ACACA: variants seen among roughly 807,000 people sequenced by gnomAD.
ACACA encodes the protein acetyl-CoA carboxylase alpha, also known as acetyl-CoA carboxylase 1.
A neutral mutation model predicts 296.1 loss-of-function variants in ACACA; 103 were observed. The ratio of observed to expected loss-of-function variants is 0.35; its 90% CI spans 0.30 to 0.41. The LOEUF (loss-of-function observed/expected upper bound fraction) is 0.41, where lower values mean the gene tolerates loss of function less well. ACACA is among the 10% of genes least tolerant of loss of function. The pLI is 1.00. For synonymous variants in ACACA, 953 were observed against 1,038.6 expected, an observed-to-expected ratio of 0.92 and a Z score of 1.58; for missense variants, 1,554 against 2,989.7, an observed-to-expected ratio of 0.52 and a Z score of 11.20.
Position 37,270,811 on chromosome 17 carries a change from T to C in ACACA, c.1059A>G (p.Gly353=), listed in dbSNP as rs1402895334. The change falls in exon 10 of 56, where the codon GGA becomes GGG. Residue 353 remains glycine, a synonymous_variant. Transcript: ENST00000616317. ...TGACTTTTCTAATTCCCTTCCCTCC[T>C]CCTCCCTCTGAGGCCTTGATCATTA... ...YPVMIKASEG[G]GGKGIRKVNN... is the part of the protein sequence containing the mutation. 1 of 1,613,428 alleles carries C rather than the reference T, an allele frequency of 6.2e-7. No homozygotes were observed. The highest frequency in any genetic ancestry group is 8.5e-7 in the Non-Finnish European group (1 of 1,179,844).
chr17:37,192,331 C>G, intron 36 of ACACA, 26 bp from the exon 37 acceptor site: 1 of 1,605,924 alleles, frequency 6.2e-7, no homozygotes, highest in Non-Finnish European at 8.5e-7. Context: ...AGAGAAAAAA[C>G]AGCTCACAAG....
chr17:37,136,502 A>G (rs1043164092), intron 45 of ACACA, among the ~76,000 whole-genome samples: 8 of 152,292 alleles, frequency 5.3e-5, no homozygotes, highest in African/African-American at 1.9e-4. Context: ...TATAAATAAC[A>G]CTGCTATAGA....
intron 45 of ACACA, among the ~76,000 whole-genome samples, chr17:37,134,997 A>G (rs909326449): frequency 5.3e-5 from 8 of 152,310 alleles, no homozygotes; most frequent in African/African-American, 1.9e-4. Context: ...AGAAGGAAGG[A>G]TGAGAGAGAG....
At chr17:37,277,378 A>G (rs1213776115) in intron 6 of ACACA, among the ~76,000 whole-genome samples, 1 of 152,278 alleles carries the variant, frequency 6.6e-6, no homozygotes, top group Admixed American at 6.5e-5. Flanking sequence ...CTCTTTAGGA[A>G]ACTCAATTCA....
At position 37,085,477 on chromosome 17, in the gene ACACA, T is replaced by C. The variant is rs1419129633; in HGVS notation, c.*1839A>G. 2 of 397,442 alleles carry C rather than the reference T, an allele frequency of 5.0e-6. No individual in the cohort carries two copies. The highest frequency in any genetic ancestry group is 2.1e-5 in the African/African-American group (1 of 48,602). The allele number at this position is 397,442 out of a possible 1,614,324, so 24.6% of individuals were successfully genotyped here. Reference sequence around the variant, plus strand: ...TTGTAGATATGTGGGATTTGATTTATTGCAAAAAAGCATAGAAGAATAATC... The same window carrying C: ...TTGTAGATATGTGGGATTTGATTTACTGCAAAAAAGCATAGAAGAATAATC... On this transcript the variant is annotated 3_prime_UTR_variant, in exon 56 of 56. Transcript: ENST00000616317.
chr17:37,388,566 C>A, intron 1 of ACACA: 1 of 1,350,244 alleles, frequency 7.4e-7, no homozygotes, highest in Non-Finnish European at 1.0e-6. Flanking sequence ...TTAGTCTGGG[C>A]CTCTAATAGT....
In ACACA at chr17:37,087,403, G is replaced by T. The variant is rs1454686979; in HGVS notation, c.7065C>A (p.Ser2355=). Residue 2355 remains serine (S), a synonymous_variant, in exon 56 of 56, where the codon TCC becomes TCA. Coordinates refer to ENST00000616317, the MANE Select transcript of ACACA (RefSeq NM_198834.3). ...VQANPEVAMD[S]IIHMTQHISP... ...ATATGTGCTGCGTCATATGGATGAT[G>T]GAATCCATGGCAACCTCTGGATTGG... is the stretch of plus-strand genomic sequence containing the variant. 6 of 1,613,908 alleles carry T rather than the reference G, an allele frequency of 3.7e-6. No homozygotes were observed. The East Asian group carries it at 1.1e-4, about 30-fold the overall frequency.
intron 25 of ACACA, among the ~76,000 whole-genome samples, chr17:37,226,768 T>A (rs972195503): frequency 9.9e-5 from 15 of 152,102 alleles, no homozygotes; most frequent in Admixed American, 5.9e-4. Flanking sequence ...GAGTAAGAAA[T>A]AATAGATATG....
intron 32 of ACACA, 152 bp from the exon 33 acceptor site, chr17:37,206,024 C>T: frequency 1.4e-6 from 1 of 695,394 alleles, no homozygotes; most frequent in Non-Finnish European, 2.6e-6. Context: ...AAATTGAAAC[C>T]ACTGCCCAAT....
intron 52 of ACACA, 54 bp from the exon 53 acceptor site, chr17:37,098,038 G>A: frequency 6.2e-7 from 1 of 1,610,510 alleles, no homozygotes; most frequent in Non-Finnish European, 8.5e-7. Flanking sequence ...GAATCTCTCT[G>A]CACAAAAGCA....
At chr17:37,302,617 A>G (rs2083680290) in intron 3 of ACACA, among the ~76,000 whole-genome samples, 2 of 152,216 alleles carry the variant, frequency 1.3e-5, no homozygotes, top group Non-Finnish European at 2.9e-5. Flanking sequence ...TCTGTCAGCA[A>G]TGTTCCACAA....
chr17:37,281,002 T>C (rs1462571415), intron 5 of ACACA, among the ~76,000 whole-genome samples: 2 of 152,002 alleles, frequency 1.3e-5, no homozygotes, highest in African/African-American at 4.8e-5. Context: ...ATTGCTTCAC[T>C]AACTCTTACT....
chr17:37,219,634 A>G (rs1369604863), intron 29 of ACACA, among the ~76,000 whole-genome samples: 1 of 151,154 alleles, frequency 6.6e-6, no homozygotes, highest in African/African-American at 2.4e-5. Flanking sequence ...AAATTTTAAC[A>G]AAAACATTTG....
rs902171512 is a variant in ACACA at position 37,085,360 on chromosome 17, G to C, written c.*1956C>G. 5 of 368,914 alleles carry C rather than the reference G, an allele frequency of 1.4e-5. No individual in the cohort carries two copies. The South Asian group carries it at 7.4e-4, about 55-fold the overall frequency. The allele number at this position is 368,914 out of a possible 1,614,324, so 22.9% of individuals were successfully genotyped here. The stretch of plus-strand genomic sequence containing the variant: ...ACATACTCGTTTGTGTCATAATTTG[G>C]TGGGGAGAGGGGAGGTAAATGAGTG... On this transcript the variant is annotated 3_prime_UTR_variant, in exon 56 of 56. Coordinates refer to ENST00000616317, the MANE Select transcript of ACACA (RefSeq NM_198834.3).
intron 33 of ACACA, among the ~76,000 whole-genome samples, chr17:37,202,563 A>C (rs2078295275): frequency 6.6e-6 from 1 of 151,570 alleles, no homozygotes; most frequent in East Asian, 1.9e-4. Flanking sequence ...TAAAAAAAAA[A>C]ACTTTTTCTA....
chr17:37,174,724 G>A (rs777317126), intron 41 of ACACA, among the ~76,000 whole-genome samples: 3 of 151,706 alleles, frequency 2.0e-5, no homozygotes, highest in Admixed American at 6.6e-5. Flanking sequence ...GTAGAGACAG[G>A]GTTTCACCAT....
chr17:37,164,666 C>T (rs553135606), intron 41 of ACACA, among the ~76,000 whole-genome samples: 13 of 152,298 alleles, frequency 8.5e-5, no homozygotes, highest in African/African-American at 2.9e-4. Flanking sequence ...ATAATCCCTG[C>T]ATGAGGAGAA....
intron 55 of ACACA, 121 bp downstream of exon 55, chr17:37,088,804 TACAGCTGTCTCAA>T: frequency 8.1e-7 from 1 of 1,236,530 alleles, no homozygotes; most frequent in Non-Finnish European, 1.2e-6. Flanking sequence ...GTGGGTCAAC[TACAGCTGTCTCAA>T]ACAGCAAGAG....
intron 10 of ACACA, among the ~76,000 whole-genome samples, chr17:37,265,573 G>T (rs1480646379): frequency 6.6e-6 from 1 of 152,122 alleles, no homozygotes; most frequent in East Asian, 1.9e-4. Context: ...TATTGGGAGG[G>T]GATAACTGCA....
Sources: allele counts gnomAD v4.1 joint callset (sites outside exome capture counted in the v4.1 genomes callset), GRCh38; gene constraint gnomAD v4.1.1; transcripts MANE v1.5; gene names NCBI Gene and HGNC (gene_info 2026-07-23, HGNC 2026-07-21).